PCYOX1L: variants seen among roughly 807,000 people sequenced by gnomAD.
PCYOX1L encodes prenylcysteine oxidase 1 like.
In PCYOX1L, 40 loss-of-function variants were observed where a neutral mutation model predicts 44.1. The observed-to-expected ratio is 0.91, with a 90% CI of 0.70 to 1.18. The LOEUF (loss-of-function observed/expected upper bound fraction) is 1.18, where lower values mean the gene tolerates loss of function less well. PCYOX1L is among the 50% of genes most tolerant of loss of function. The pLI, the probability that PCYOX1L is intolerant of heterozygous loss-of-function variation, is 0.00. For missense variants in PCYOX1L, 605 were observed against 653.3 expected, an observed-to-expected ratio of 0.93 and a Z score of 0.81; for synonymous variants, 266 against 282.8, an observed-to-expected ratio of 0.94 and a Z score of 0.60.
chr5:149,369,351 G>A lies in PCYOX1L; in HGVS notation c.*697G>A, dbSNP rs537777640. On this transcript the variant is annotated 3_prime_UTR_variant, in exon 6 of 6. Coordinates refer to ENST00000274569, the MANE Select transcript of PCYOX1L (RefSeq NM_024028.4). The stretch of plus-strand genomic sequence containing the variant: ...AAACATGCGAGGCTGTAGGAAGAGG[G>A]AAGCTCTTCCTTGGCACCTAGAGGA... 5 of 152,308 alleles carry A rather than the reference G, an allele frequency of 3.3e-5. No homozygotes were observed. The East Asian group carries it at 5.8e-4, about 18-fold the overall frequency. The allele number at this position is 152,308 out of a possible 1,614,324, so 9.4% of individuals were successfully genotyped here. A position where few individuals can be genotyped will look rare whatever the true frequency, so the allele number is the denominator to read the frequency against.
chr5:149,368,467 C>A lies in PCYOX1L; in HGVS notation c.1298C>A (p.Thr433Lys), dbSNP rs146403308. The change falls in exon 6 of 6, where the codon ACG becomes AAG. Residue 433 changes from threonine (T) to lysine (K), a missense_variant. By Grantham distance (78) the Thr-to-Lys change is moderately conservative (BLOSUM62 -1). Transcript: ENST00000274569. ...CATCCCCTCTATGGCTCCCGCCCCA[C>A]GCTCCCGAGGTTTGCACTCCATGAC... Reference protein sequence around the residue: ...QAHPLYGSRPTLPRFALHDQL... With the variant: ...QAHPLYGSRPKLPRFALHDQL... The A allele has an allele frequency of 1.2e-6, 2 of 1,613,288 alleles. No individual in the cohort carries two copies. Among genetic ancestry groups the A allele is most frequent in the Non-Finnish European group, 1.7e-6 (2 of 1,179,546 alleles).
intron 1 of PCYOX1L, among the ~76,000 whole-genome samples, chr5:149,359,150 A>C (rs2127612042): frequency 6.6e-6 from 1 of 152,242 alleles, no homozygotes; most frequent in African/African-American, 2.4e-5. Flanking sequence ...TCCCACAGGC[A>C]GAGATCCTGG....
At chr5:149,364,291 G>A (rs1333712148) in intron 3 of PCYOX1L, 81 bp downstream of exon 3, 3 of 1,532,916 alleles carry the variant, frequency 2.0e-6, no homozygotes, top group Non-Finnish European at 2.6e-6. Flanking sequence ...CCTGTACTTT[G>A]TGAAAAAGGA....
Position 149,368,006 on chromosome 5 carries a change from G to A in PCYOX1L, c.837G>A (p.Leu279=), listed in dbSNP as rs561172581. The change falls in exon 6 of 6, where the codon CTG becomes CTA. Residue 279 remains leucine, a synonymous_variant. Transcript: ENST00000274569. ...TTTTCTTTCCAGAGGGGAAAGCCCT[G>A]TACCAGGTGGCGTATGAGAATGAGG... The part of the protein sequence containing the change: ...VTLHSTEGKA[L]YQVAYENEVG... The A allele has an allele frequency of 1.9e-6, 3 of 1,539,580 alleles. No homozygotes were observed. The highest frequency in any genetic ancestry group is 2.6e-6 in the Non-Finnish European group (3 of 1,146,276).
chr5:149,367,206 G>A (rs1283166634), intron 4 of PCYOX1L, among the ~76,000 whole-genome samples, 154 bp from the exon 5 acceptor site: 1 of 152,216 alleles, frequency 6.6e-6, no homozygotes, highest in Non-Finnish European at 1.5e-5. Flanking sequence ...TGTGCACTTT[G>A]TTGTACTTAC....
In PCYOX1L at chr5:149,368,580, T is replaced by TA; in HGVS notation, c.1412dup (p.Tyr471Ter). The change falls in exon 6 of 6, where the codon TAC becomes TAAC. Residue 471 changes from tyrosine (Y) to a stop codon, truncating the protein, a stop_gained and frameshift_variant. Transcript: ENST00000274569. LOFTEE classifies it high-confidence loss of function. ...TGCCAAGAATGTGGCCTTGCTGGCT[T>TA]ACAACCGCTGGTACCAGGACCTAGA... ...VAAKNVALLA[Y>*]NRWYQDLDKI... The TA allele has an allele frequency of 1.9e-6, 3 of 1,579,474 alleles. No homozygotes were observed. Among genetic ancestry groups the TA allele is most frequent in the Non-Finnish European group, 2.6e-6 (3 of 1,166,236 alleles).
At chr5:149,362,299 A>G (rs1758030512) in intron 1 of PCYOX1L, 1 of 315,722 alleles carries the variant, frequency 3.2e-6, no homozygotes, top group African/African-American at 2.1e-5. Flanking sequence ...TAGGGAAATA[A>G]GAAAGTTAGA....
chr5:149,363,363 C>A (rs1474925642), intron 2 of PCYOX1L: 1 of 312,668 alleles, frequency 3.2e-6, no homozygotes, highest in African/African-American at 2.2e-5. Flanking sequence ...TACAGGTGGT[C>A]TTACAGATGT....
At chr5:149,359,299 C>T (rs1232614032) in intron 1 of PCYOX1L, among the ~76,000 whole-genome samples, 1 of 152,196 alleles carries the variant, frequency 6.6e-6, no homozygotes, top group Non-Finnish European at 1.5e-5. Flanking sequence ...TCTTGTGTAG[C>T]AGAACCACAG....
At chr5:149,364,581 C>G (rs1758136873) in intron 3 of PCYOX1L, 2 of 192,488 alleles carry the variant, frequency 1.0e-5, no homozygotes, top group Admixed American at 1.1e-4. Flanking sequence ...CCACCGCAGC[C>G]ATCTGCAGCC....
Position 149,362,520 on chromosome 5 carries a change from C to T in PCYOX1L, c.89-117C>T, listed in dbSNP as rs947238977. On this transcript the variant is annotated intron_variant, in intron 1 of 5. Coordinates refer to ENST00000274569, the MANE Select transcript of PCYOX1L (RefSeq NM_024028.4). The stretch of plus-strand genomic sequence containing the variant: ...GATTTCCTTTTGGAAATGTTATAAG[C>T]CTAGGAAATTTAAGCACCTGGGAAC... 4.9e-6 allele frequency: 5 copies of T among 1,027,092 alleles called. No homozygotes were observed. In the African/African-American group the frequency reaches 8.0e-5, roughly 16 times the overall value. 63.6% of individuals were successfully genotyped at this position (1,027,092 alleles called of 1,614,324 possible).
Position 149,358,062 on chromosome 5 carries a change from G to A in PCYOX1L, c.-7G>A. 2 of 1,336,344 alleles carry A rather than the reference G, an allele frequency of 1.5e-6. No homozygotes were observed. The highest frequency in any genetic ancestry group is 1.9e-5 in the South Asian group (1 of 51,640). 82.8% of individuals were successfully genotyped at this position (1,336,344 alleles called of 1,614,324 possible). A position where few individuals can be genotyped will look rare whatever the true frequency, so the allele number is the denominator to read the frequency against. ...GAATCCGGCGTGCTGCCCGCTCGCC[G>A]CCCGCCATGGCCCGCGCAGCCCCGC... On this transcript the variant is annotated 5_prime_UTR_variant, in exon 1 of 6. Transcript: ENST00000274569.
chr5:149,362,809 G>A lies in PCYOX1L; in HGVS notation c.261G>A (p.Leu87=). 1.2e-6 allele frequency: 2 copies of A among 1,614,098 alleles called. No individual in the cohort carries two copies. Among genetic ancestry groups the A allele is most frequent in the Non-Finnish European group, 1.7e-6 (2 of 1,180,046 alleles). ...GCGGGGCTGCCTCCTTCCACTCCCT[G>A]AGCCTGCACATGCAGGACTTCGTCA... ...YESGAASFHS[L]SLHMQDFVKL... is the part of the protein sequence containing the mutation. The change falls in exon 2 of 6, where the codon CTG becomes CTA. Residue 87 remains leucine, a synonymous_variant. Coordinates refer to ENST00000274569, the MANE Select transcript of PCYOX1L (RefSeq NM_024028.4).
At chr5:149,359,541 G>A (rs947724202) in intron 1 of PCYOX1L, among the ~76,000 whole-genome samples, 1 of 152,220 alleles carries the variant, frequency 6.6e-6, no homozygotes, top group African/African-American at 2.4e-5. Flanking sequence ...ATACAGTGTG[G>A]CTAGGAGTAA....
intron 3 of PCYOX1L, chr5:149,365,400 C>T (rs1178792380): frequency 6.5e-6 from 1 of 154,220 alleles, no homozygotes; most frequent in Non-Finnish European, 1.4e-5. Flanking sequence ...TCGATGGTTC[C>T]AATCCATGCT....
rs751737546 is a variant in PCYOX1L, at chr5:149,368,028, G to T, written c.859G>T (p.Glu287Ter). 1 of 1,556,186 alleles carries T rather than the reference G, an allele frequency of 6.4e-7. No homozygotes were observed. The highest frequency in any genetic ancestry group is 8.7e-7 in the Non-Finnish European group (1 of 1,154,684). ...CCTGTACCAGGTGGCGTATGAGAAT[G>T]AGGTAGGCAACAGCTCTGACTTCTA... The part of the protein sequence containing the change: ...KALYQVAYEN[E>*]VGNSSDFYDI... Residue 287 changes from glutamate to a stop codon, truncating the protein, a stop_gained, in exon 6 of 6, where the codon GAG (glutamate) becomes TAG (stop). Transcript: ENST00000274569. LOFTEE classifies it high-confidence loss of function.
At chr5:149,363,311 C>T (rs1263977419) in intron 2 of PCYOX1L, 22 of 335,498 alleles carry the variant, frequency 6.6e-5, no homozygotes, top group African/African-American at 1.7e-4. Context: ...GTCCAATACA[C>T]GTTCTGTTTG....
At chr5:149,361,606 G>A (rs1376566611) in intron 1 of PCYOX1L, among the ~76,000 whole-genome samples, 1 of 152,208 alleles carries the variant, frequency 6.6e-6, no homozygotes, top group African/African-American at 2.4e-5. Context: ...GTAGGGTAAT[G>A]AACAATCCAT....
In PCYOX1L at chr5:149,358,081, G is replaced by A. The variant is rs2291814; in HGVS notation, c.13G>A (p.Ala5Thr). The A allele has an allele frequency of 3.5e-6, 5 of 1,422,644 alleles. No individual in the cohort carries two copies. The Admixed American group carries it at 8.0e-5, about 23-fold the overall frequency. The allele number at this position is 1,422,644 out of a possible 1,614,324, so 88.1% of individuals were successfully genotyped here. The change falls in exon 1 of 6, where the codon GCC becomes ACC. Residue 5 changes from alanine to threonine, a missense_variant. Coordinates refer to ENST00000274569, the MANE Select transcript of PCYOX1L (RefSeq NM_024028.4). The stretch of plus-strand genomic sequence containing the variant: ...CTCGCCGCCCGCCATGGCCCGCGCA[G>A]CCCCGCTGCTCGCCGCGTTGACCGC... MARA[A>T]PLLAALTALL...
Sources: allele counts gnomAD v4.1 joint callset (sites outside exome capture counted in the v4.1 genomes callset), GRCh38; gene constraint gnomAD v4.1.1; transcripts MANE v1.5; gene names NCBI Gene and HGNC (gene_info 2026-07-23, HGNC 2026-07-21).